CLTCL1: variants seen among roughly 807,000 people sequenced by gnomAD.
The protein encoded by CLTCL1 is clathrin heavy chain like 1.
CLTCL1 carries 159 observed loss-of-function variants against 190.0 expected under a neutral mutation model. The ratio of observed to expected loss-of-function variants is 0.84; its 90% CI spans 0.74 to 0.95. The LOEUF (loss-of-function observed/expected upper bound fraction) is 0.95, where lower values mean the gene tolerates loss of function less well. CLTCL1 is among the 40% of genes least tolerant of loss of function. The probability of loss-of-function intolerance (pLI) is 0.00; values close to 1 mark genes in which losing one functional copy is unlikely to be tolerated. For synonymous variants in CLTCL1, 752 were observed against 769.6 expected, an observed-to-expected ratio of 0.98 and a Z score of 0.38; for missense variants, 1,878 against 2,033.4, an observed-to-expected ratio of 0.92 and a Z score of 1.47.
intron 1 of CLTCL1, among the ~76,000 whole-genome samples, chr22:19,287,669 A>C (rs2087956522): frequency 6.6e-6 from 1 of 152,192 alleles, no homozygotes; most frequent in Non-Finnish European, 1.5e-5. Flanking sequence ...GGGATGGCAT[A>C]GTTTAGGGAA....
intron 1 of CLTCL1, among the ~76,000 whole-genome samples, chr22:19,291,164 C>T (rs2088103377): frequency 6.6e-6 from 1 of 152,226 alleles, no homozygotes; most frequent in African/African-American, 2.4e-5. Flanking sequence ...GTTCACGGTC[C>T]TCCCAGGCGA....
In CLTCL1 at chr22:19,232,605, G is replaced by A. The variant is rs1474371942; in HGVS notation, c.1522-7C>T. On this transcript the variant is annotated splice_region_variant and splice_polypyrimidine_tract_variant and intron_variant, in intron 9 of 32. Coordinates refer to ENST00000427926, the MANE Select transcript of CLTCL1 (RefSeq NM_007098.4). ...AGTCTGGGGTGTACCCAACCTAGAA[G>A]CAAGGGAGCACCAATCAGGAAAATC... 2 of 1,608,820 alleles carry A rather than the reference G, an allele frequency of 1.2e-6. No individual in the cohort carries two copies. The highest frequency in any genetic ancestry group is 2.7e-5 in the African/African-American group (2 of 74,788).
At chr22:19,286,145 T>C (rs146927520) in intron 1 of CLTCL1, among the ~76,000 whole-genome samples, 1 of 152,262 alleles carries the variant, frequency 6.6e-6, no homozygotes, top group African/African-American at 2.4e-5. Flanking sequence ...AAAGCACTGG[T>C]TTGTGTAGCT....
At chr22:19,183,064 C>G in intron 30 of CLTCL1, 1 of 321,488 alleles carries the variant, frequency 3.1e-6, no homozygotes, top group Admixed American at 4.5e-5. Flanking sequence ...ACCTCACTGT[C>G]ACCTTGTTGA....
chr22:19,189,571 T>C (rs1391898415), intron 27 of CLTCL1, among the ~76,000 whole-genome samples: 1 of 152,238 alleles, frequency 6.6e-6, no homozygotes, highest in African/African-American at 2.4e-5. Flanking sequence ...GATCCTAAGA[T>C]TGCAGCAATT....
rs952233770 is a variant in CLTCL1, at chr22:19,187,600, C to T, written c.4563G>A (p.Trp1521Ter). 1.2e-6 allele frequency: 2 copies of T among 1,613,150 alleles called. No individual in the cohort carries two copies. Among genetic ancestry groups the T allele is most frequent in the African/African-American group, 2.7e-5 (2 of 74,910 alleles). The stretch of plus-strand genomic sequence containing the variant: ...TCTTGCAGAGCTCCACGCTCTGGGC[C>T]CACCAGTTATTGCCCTTGTACAGAT... ...AAYLYKGNNW[W>*]AQSVELCKKD... Residue 1521 changes from tryptophan to a stop codon, truncating the protein, a stop_gained, in exon 29 of 33, where the codon TGG (tryptophan) becomes TGA (stop). Transcript: ENST00000427926. LOFTEE classifies it high-confidence loss of function.
chr22:19,252,499 G>A (rs2086622246), intron 3 of CLTCL1, among the ~76,000 whole-genome samples: 1 of 152,156 alleles, frequency 6.6e-6, no homozygotes, highest in Admixed American at 6.5e-5. Context: ...GATCCCCTGT[G>A]TTGCAGGCTG....
Position 19,271,121 on chromosome 22 carries a change from G to T in CLTCL1, c.250+4502C>A, listed in dbSNP as rs192208968. On this transcript the variant is annotated intron_variant, in intron 2 of 32. Coordinates refer to ENST00000427926, the MANE Select transcript of CLTCL1 (RefSeq NM_007098.4). ...CACTGAGCTCAGTGCCAACTCTGCC[G>T]CACAGATACTAGATTAGCCTATACT... Among the ~76,000 whole-genome samples the T allele has an allele frequency of 6.7e-3, 1,021 of 151,688 alleles. 11 individuals carry two copies. Among genetic ancestry groups the T allele is most frequent in the Non-Finnish European group, 0.011 (754 of 67,980 alleles).
At chr22:19,272,977 C>G (rs1326651950) in intron 2 of CLTCL1, among the ~76,000 whole-genome samples, 1 of 152,120 alleles carries the variant, frequency 6.6e-6, no homozygotes, top group Non-Finnish European at 1.5e-5. Flanking sequence ...AGCTGCTTCA[C>G]GAGCCCCTTT....
At chr22:19,193,510 C>G (rs2084586124) in intron 26 of CLTCL1, among the ~76,000 whole-genome samples, 1 of 152,162 alleles carries the variant, frequency 6.6e-6, no homozygotes, top group South Asian at 2.1e-4. Flanking sequence ...AGGCCCGTGC[C>G]CACTAGCATG....
chr22:19,196,669 C>T lies in CLTCL1; in HGVS notation c.3874-13G>A, dbSNP rs782532226. On this transcript the variant is annotated splice_polypyrimidine_tract_variant and intron_variant, in intron 24 of 32. Coordinates refer to ENST00000427926, the MANE Select transcript of CLTCL1 (RefSeq NM_007098.4). ...AGTAGCCACGATCCTAGCAGACCAA[C>T]AGCCACGCGTGGGGCAGAGTGATTG... 2 of 1,608,650 alleles carry T rather than the reference C, an allele frequency of 1.2e-6. No individual in the cohort carries two copies. The highest frequency in any genetic ancestry group is 1.7e-6 in the Non-Finnish European group (2 of 1,177,224).
intron 3 of CLTCL1, chr22:19,249,816 CT>C (rs2086534924): frequency 3.9e-6 from 1 of 253,588 alleles, no homozygotes; most frequent in African/African-American, 2.3e-5. Flanking sequence ...AGAAAATTAA[CT>C]TTCATACCCT....
chr22:19,234,855 G>T, intron 6 of CLTCL1, 149 bp from the exon 7 acceptor site: 1 of 734,726 alleles, frequency 1.4e-6, no homozygotes, highest in Non-Finnish European at 2.3e-6. Flanking sequence ...AGTGAAAGGA[G>T]GCAAAGCAGC....
chr22:19,233,200 C>T lies in CLTCL1; in HGVS notation c.1487G>A (p.Gly496Asp). ...SKVIQCFAET[G>D]QFQKIVLYAK... ...ATAGAGCACAATTTTCTGGAATTGG[C>T]CTGTTTCTGCAAAACACTGGATCAC... The change falls in exon 9 of 33, where the codon GGC becomes GAC. Residue 496 changes from glycine to aspartate, a missense_variant. Coordinates refer to ENST00000427926, the MANE Select transcript of CLTCL1 (RefSeq NM_007098.4). The T allele has an allele frequency of 6.2e-7, 1 of 1,613,810 alleles. No homozygotes were observed. Among genetic ancestry groups the T allele is most frequent in the South Asian group, 1.1e-5 (1 of 91,084 alleles).
At chr22:19,211,376 T>C (rs1555946625) in intron 19 of CLTCL1, among the ~76,000 whole-genome samples, 1 of 152,244 alleles carries the variant, frequency 6.6e-6, no homozygotes, top group African/African-American at 2.4e-5. Context: ...ACACTTCTAT[T>C]TGTGCTGGAG....
At chr22:19,197,541 C>T (rs566406255) in intron 24 of CLTCL1, among the ~76,000 whole-genome samples, 16 of 152,316 alleles carry the variant, frequency 1.1e-4, no homozygotes, top group African/African-American at 3.9e-4. Context: ...TCCTCCTATC[C>T]TAAACACCCT....
At chr22:19,286,915 C>A (rs2087927373) in intron 1 of CLTCL1, among the ~76,000 whole-genome samples, 1 of 152,214 alleles carries the variant, frequency 6.6e-6, no homozygotes, top group Admixed American at 6.5e-5. Context: ...AATTCTAATG[C>A]TCAAGGTCTC....
intron 3 of CLTCL1, among the ~76,000 whole-genome samples, chr22:19,247,841 G>A (rs1299616418): frequency 6.6e-6 from 1 of 152,104 alleles, no homozygotes; most frequent in East Asian, 1.9e-4. Context: ...GATTAAAGGT[G>A]TGAGTCACCG....
At chr22:19,281,800 G>C (rs1601735661) in intron 1 of CLTCL1, among the ~76,000 whole-genome samples, 1 of 152,096 alleles carries the variant, frequency 6.6e-6, no homozygotes, top group East Asian at 1.9e-4. Flanking sequence ...TGAATAATTT[G>C]TATCCAATCT....
Sources: gnomAD v4.1 joint callset for allele counts (sites outside exome capture counted in the v4.1 genomes callset) on GRCh38, gnomAD v4.1.1 for gene constraint, MANE v1.5 for transcripts, NCBI Gene and HGNC (gene_info 2026-07-23, HGNC 2026-07-21) for gene names.